Variants in DOLPP1 observed in about 807,000 individuals in gnomAD.
DOLPP1 encodes dolichyl pyrophosphate phosphatase 1.
A neutral mutation model predicts 34.1 loss-of-function variants in DOLPP1; 15 were observed. The ratio of observed to expected loss-of-function variants is 0.44; its 90% CI spans 0.29 to 0.68. DOLPP1 has a LOEUF of 0.68. Among genes scored for constraint, DOLPP1 ranks in the 30% least tolerant of loss-of-function variants. The pLI is 0.12. For missense variants in DOLPP1, 249 were observed against 307.1 expected (o/e 0.81, Z 1.41); for synonymous variants, 130 against 128.2 (o/e 1.01, Z -0.10).
intron 7 of DOLPP1, 24 bp from the exon 8 acceptor site, chr9:129,088,947 T>A: frequency 6.2e-7 from 1 of 1,613,466 alleles, no homozygotes; most frequent in Non-Finnish European, 8.5e-7. Context: ...TGTCTCCACA[T>A]CTGACCCCCA....
At chr9:129,084,507 T>C (rs1846947477) in intron 1 of DOLPP1, 161 bp from the exon 2 acceptor site, 1 of 706,988 alleles carries the variant, frequency 1.4e-6, no homozygotes, top group Admixed American at 1.9e-5. Context: ...TGTGACTGAG[T>C]TGGCACAATC....
intron 1 of DOLPP1, 21 bp from the exon 2 acceptor site, chr9:129,084,646 AT>A (rs1163302623): frequency 6.5e-7 from 1 of 1,529,572 alleles, no homozygotes; most frequent in South Asian, 1.1e-5. Flanking sequence ...TGTCCTCCTG[AT>A]TCTGTTCTCT....
chr9:129,088,103 G>A (rs572417473), intron 7 of DOLPP1, among the ~76,000 whole-genome samples: 1 of 145,008 alleles, frequency 6.9e-6, no homozygotes, highest in East Asian at 2.1e-4. Context: ...AGCTTGTGTC[G>A]GGAGCCTATG....
rs1847070178 is a variant in DOLPP1, at chr9:129,090,160, C to T, written c.*1153C>T. ...CACTCGGGATCTGTGTTCGAATCCT[C>T]CCCACCCCTTTCTTTGTGGAGTTTC... On this transcript the variant is annotated 3_prime_UTR_variant, in exon 8 of 8. Coordinates refer to ENST00000372546, the MANE Select transcript of DOLPP1 (RefSeq NM_020438.5). 1.3e-5 allele frequency: 2 copies of T among 152,652 alleles called. No homozygotes were observed. The highest frequency in any genetic ancestry group is 4.1e-4 in the South Asian group (2 of 4,836). 9.5% of individuals were successfully genotyped at this position (152,652 alleles called of 1,614,324 possible). A position where few individuals can be genotyped will look rare whatever the true frequency, so the allele number is the denominator to read the frequency against.
intron 1 of DOLPP1, among the ~76,000 whole-genome samples, chr9:129,081,506 GA>G: frequency 6.6e-6 from 1 of 152,318 alleles, no homozygotes; most frequent in Admixed American, 6.5e-5. Context: ...TGTGAGGCGA[GA>G]AAAGATCCCT....
At chr9:129,081,669 C>T (rs1436501189) in intron 1 of DOLPP1, among the ~76,000 whole-genome samples, 2 of 152,216 alleles carry the variant, frequency 1.3e-5, no homozygotes, top group Non-Finnish European at 2.9e-5. Context: ...GTGTGCAAGC[C>T]GAAGCCAGGC....
chr9:129,086,278 C>T lies in DOLPP1; in HGVS notation c.590+11C>T. On this transcript the variant is annotated intron_variant, in intron 6 of 7. Coordinates refer to ENST00000372546, the MANE Select transcript of DOLPP1 (RefSeq NM_020438.5). ...CAGGATAGCAGCCTGGTAACTGCCT[C>T]CTGCCTTCCTGGGCACTGTGGGCCC... is the stretch of plus-strand genomic sequence containing the variant. 6.2e-7 allele frequency: 1 copy of T among 1,612,628 alleles called. No individual in the cohort carries two copies. Among genetic ancestry groups the T allele is most frequent in the South Asian group, 1.1e-5 (1 of 91,008 alleles).
intron 7 of DOLPP1, among the ~76,000 whole-genome samples, chr9:129,087,572 T>A (rs1483082117): frequency 6.6e-6 from 1 of 152,152 alleles, no homozygotes; most frequent in Admixed American, 6.5e-5. Flanking sequence ...CGCCTCGGCC[T>A]TCCAAAGTGC....
intron 1 of DOLPP1, among the ~76,000 whole-genome samples, chr9:129,083,019 G>T (rs1473909771): frequency 6.6e-6 from 1 of 152,186 alleles, no homozygotes; most frequent in Non-Finnish European, 1.5e-5. Context: ...TCCCAGGTGG[G>T]GGGAAACTGT....
chr9:129,088,202 G>T (rs59012667), intron 7 of DOLPP1, among the ~76,000 whole-genome samples: 73,178 of 125,972 alleles, frequency 0.58, 24,743 homozygotes, highest in Non-Finnish European at 0.72. Flanking sequence ...GTGGGGGTTG[G>T]GGGAAACGTT....
At position 129,081,126 on chromosome 9, in the gene DOLPP1, G is replaced by A. The variant is rs371322067; in HGVS notation, c.-6G>A. ...GCTGCTCGAAGAAGCCCGGTCTCCG[G>A]GTAAGATGGCAGCGGACGGACAGTG... is the stretch of plus-strand genomic sequence containing the variant. On this transcript the variant is annotated 5_prime_UTR_variant, in exon 1 of 8. Transcript: ENST00000372546. 78 of 1,607,656 alleles carry A rather than the reference G, an allele frequency of 4.9e-5. No individual in the cohort carries two copies. Among genetic ancestry groups the A allele is most frequent in the Non-Finnish European group, 6.6e-5 (78 of 1,179,218 alleles).
Position 129,085,533 on chromosome 9 carries a change from C to T in DOLPP1, c.378C>T (p.Asn126=), listed in dbSNP as rs781239127. 23 of 1,613,670 alleles carry T rather than the reference C, an allele frequency of 1.4e-5. No individual in the cohort carries two copies. In the East Asian group the frequency reaches 2.0e-4, roughly 14 times the overall value. The change falls in exon 5 of 8, where the codon AAC becomes AAT. Residue 126 remains asparagine, a synonymous_variant. Coordinates refer to ENST00000372546, the MANE Select transcript of DOLPP1 (RefSeq NM_020438.5). The surrounding 1 kb of genome is among the most constrained non-coding windows in gnomAD (Gnocchi z 7.0). ...LFLYLRMHQT[N]NARFLDLLWR... ...GTTTTCGCAGAATGCACCAAACAAA[C>T]AACGCCAGGTTCCTGGACTTGCTGT... is the stretch of plus-strand genomic sequence containing the variant.
chr9:129,085,526 A>G lies in DOLPP1; in HGVS notation c.371A>G (p.Gln124Arg). 1 of 1,613,570 alleles carries G rather than the reference A, an allele frequency of 6.2e-7. No individual in the cohort carries two copies. Among genetic ancestry groups the G allele is most frequent in the South Asian group, 1.1e-5 (1 of 91,062 alleles). Residue 124 changes from glutamine (Q) to arginine (R), a missense_variant, in exon 5 of 8, where the codon CAA (glutamine) becomes CGA (arginine). Gln to Arg is a conservative substitution (Grantham distance 43). Coordinates refer to ENST00000372546, the MANE Select transcript of DOLPP1 (RefSeq NM_020438.5). The surrounding 1 kb of genome is among the most constrained non-coding windows in gnomAD (Gnocchi z 7.0). ...TGGGCCTGTTTTCGCAGAATGCACC[A>G]AACAAACAACGCCAGGTTCCTGGAC... ...SFLFLYLRMH[Q>R]TNNARFLDLL...
In DOLPP1 at chr9:129,085,345, T is replaced by C; in HGVS notation, c.362+39T>C. On this transcript the variant is annotated intron_variant, in intron 4 of 7. Transcript: ENST00000372546. The surrounding 1 kb of genome is among the most constrained non-coding windows in gnomAD (Gnocchi z 7.0). Reference sequence around the variant, plus strand: ...CCGGTCAGGATGGCCCTGAACTTGCTCAGGCCGAGTTCTGCTAGGGACTCA... The same window carrying C: ...CCGGTCAGGATGGCCCTGAACTTGCCCAGGCCGAGTTCTGCTAGGGACTCA... 1 of 1,585,656 alleles carries C rather than the reference T, an allele frequency of 6.3e-7. No homozygotes were observed. The highest frequency in any genetic ancestry group is 1.3e-5 in the African/African-American group (1 of 74,500).
intron 2 of DOLPP1, 118 bp from the exon 3 acceptor site, chr9:129,084,905 G>C (rs769228245): frequency 7.7e-7 from 1 of 1,296,912 alleles, no homozygotes; most frequent in Non-Finnish European, 1.1e-6. Flanking sequence ...CCTCCTGGCT[G>C]GTTCTAGGTT....
chr9:129,085,410 C>T lies in DOLPP1; in HGVS notation c.362+104C>T, dbSNP rs1016056015. 33 of 1,502,268 alleles carry T rather than the reference C, an allele frequency of 2.2e-5. No homozygotes were observed. Among genetic ancestry groups the T allele is most frequent in the Non-Finnish European group, 3.0e-5 (32 of 1,083,054 alleles). The allele number at this position is 1,502,268 out of a possible 1,614,324, so 93.1% of individuals were successfully genotyped here. A position where few individuals can be genotyped will look rare whatever the true frequency, so the allele number is the denominator to read the frequency against. ...GATGCCCCTGGGGTGGGAGGGGCTG[C>T]AGCGGAGGCAGAAGGTACCCAGGGA... is the stretch of plus-strand genomic sequence containing the variant. On this transcript the variant is annotated intron_variant, in intron 4 of 7. Coordinates refer to ENST00000372546, the MANE Select transcript of DOLPP1 (RefSeq NM_020438.5). The surrounding 1 kb of genome is among the most constrained non-coding windows in gnomAD (Gnocchi z 7.0).
chr9:129,085,136 T>A lies in DOLPP1; in HGVS notation c.262+29T>A, dbSNP rs755759462. On this transcript the variant is annotated intron_variant, in intron 3 of 7. Transcript: ENST00000372546. This position sits in a 1 kb window ranked among gnomAD's most constrained non-coding sequence, Gnocchi z 7.0. ...GGGCCTCAGCTGCGAGGGCCTGAGG[T>A]TCCCCCAGGTTGGGGCGTTACTGGG... 1 of 1,607,004 alleles carries A rather than the reference T, an allele frequency of 6.2e-7. No homozygotes were observed. The highest frequency in any genetic ancestry group is 1.1e-5 in the South Asian group (1 of 90,224).
At chr9:129,082,065 G>C (rs1466009115) in intron 1 of DOLPP1, among the ~76,000 whole-genome samples, 1 of 152,226 alleles carries the variant, frequency 6.6e-6, no homozygotes, top group Non-Finnish European at 1.5e-5. Flanking sequence ...CATGCAGTAA[G>C]CGTTCAGTAA....
In DOLPP1 at chr9:129,090,245, T is replaced by C. The variant is rs1358890077; in HGVS notation, c.*1238T>C. 1 of 152,634 alleles carries C rather than the reference T, an allele frequency of 6.6e-6. No individual in the cohort carries two copies. The highest frequency in any genetic ancestry group is 1.5e-5 in the Non-Finnish European group (1 of 68,036). The allele number at this position is 152,634 out of a possible 1,614,324, so 9.5% of individuals were successfully genotyped here. A position where few individuals can be genotyped will look rare whatever the true frequency, so the allele number is the denominator to read the frequency against. Reference sequence around the variant, plus strand: ...TTCTTTTCTCATTTGTTAAAGGCAGTGTCCAAAAGCCATTCCAGATGCCAA... The same window carrying C: ...TTCTTTTCTCATTTGTTAAAGGCAGCGTCCAAAAGCCATTCCAGATGCCAA... On this transcript the variant is annotated 3_prime_UTR_variant, in exon 8 of 8. Coordinates refer to ENST00000372546, the MANE Select transcript of DOLPP1 (RefSeq NM_020438.5).
Sources: gnomAD v4.1 joint callset for allele counts (sites outside exome capture counted in the v4.1 genomes callset) on GRCh38, gnomAD v4.1.1 for gene constraint, Gnocchi (gnomAD v3.1) non-coding constraint, MANE v1.5 for transcripts, NCBI Gene and HGNC (gene_info 2026-07-23, HGNC 2026-07-21) for gene names.